GPATCH8: variants seen among roughly 807,000 people sequenced by gnomAD.
GPATCH8 encodes the protein G patch domain-containing protein 8.
GPATCH8 carries 18 observed loss-of-function variants against 118.3 expected under a neutral mutation model. That is an observed-to-expected ratio of 0.15 (90% CI 0.11 to 0.23). GPATCH8 has a LOEUF of 0.23. Ranked by LOEUF, GPATCH8 falls within the 10% of genes least tolerant of loss-of-function variation. The probability of loss-of-function intolerance (pLI) is 1.00; values close to 1 mark genes in which losing one functional copy is unlikely to be tolerated. For missense variants in GPATCH8, 1,631 were observed against 1,873.8 expected, an observed-to-expected ratio of 0.87 and a Z score of 2.39; for synonymous variants, 659 against 684.7, an observed-to-expected ratio of 0.96 and a Z score of 0.59.
intron 2 of GPATCH8, chr17:44,474,603 C>A: frequency 1.6e-6 from 1 of 624,290 alleles, no homozygotes; most frequent in South Asian, 1.7e-5. Context: ...AGATATTTTT[C>A]CATTGAAATT....
At chr17:44,420,756 C>T (rs968628362) in intron 6 of GPATCH8, among the ~76,000 whole-genome samples, 10 of 152,338 alleles carry the variant, frequency 6.6e-5, no homozygotes, top group African/African-American at 2.2e-4. Context: ...CACATTAATG[C>T]TGTCAATGTG....
At chr17:44,435,410 C>CG (rs2050465338) in intron 4 of GPATCH8, among the ~76,000 whole-genome samples, 4 of 46,060 alleles carry the variant, frequency 8.7e-5, no homozygotes, top group African/African-American at 2.3e-4. Context: ...TTCTTTCTTT[C>CG]CTTTTTTTTT....
chr17:44,398,185 C>T lies in GPATCH8; in HGVS notation c.3892G>A (p.Glu1298Lys). ...DPSIESTDGAEDASLAPLESQ... is the reference protein window; with the variant it reads ...DPSIESTDGAKDASLAPLESQ... ...TCCAGGGGGGCCAGTGAAGCATCCT[C>T]AGCCCCATCTGTTGACTCAATACTA... The change falls in exon 8 of 8, where the codon GAG (glutamate) becomes AAG (lysine). Residue 1298 changes from glutamate to lysine, a missense_variant. Coordinates refer to ENST00000591680, the MANE Select transcript of GPATCH8 (RefSeq NM_001002909.4). The T allele has an allele frequency of 6.2e-7, 1 of 1,613,596 alleles. No homozygotes were observed. Among genetic ancestry groups the T allele is most frequent in the Non-Finnish European group, 8.5e-7 (1 of 1,179,616 alleles).
chr17:44,435,908 G>A (rs2050494229), intron 4 of GPATCH8, among the ~76,000 whole-genome samples: 1 of 150,304 alleles, frequency 6.7e-6, no homozygotes, highest in Admixed American at 6.6e-5. Flanking sequence ...TGTAATCCCA[G>A]CTACTTAGAA....
At chr17:44,456,907 A>G (rs1338962583) in intron 3 of GPATCH8, among the ~76,000 whole-genome samples, 1 of 152,030 alleles carries the variant, frequency 6.6e-6, no homozygotes, top group African/African-American at 2.4e-5. Flanking sequence ...TCTGTTGCCC[A>G]GGATGGAGTG....
In GPATCH8 at chr17:44,400,051, T is replaced by G; in HGVS notation, c.2026A>C (p.Lys676Gln). 6.2e-7 allele frequency: 1 copy of G among 1,614,162 alleles called. No homozygotes were observed. Among genetic ancestry groups the G allele is most frequent in the Non-Finnish European group, 8.5e-7 (1 of 1,180,032 alleles). ...GATTTTTTGTGCTTCTTTTTCTTTT[T>G]GTGCCGGTGGGACTTCCCAGATCGT... The part of the protein sequence containing the change: ...KERSGKSHRH[K>Q]KKKKHKKSSK... The change falls in exon 8 of 8, where the codon AAA (lysine) becomes CAA (glutamine). Residue 676 changes from lysine (K) to glutamine (Q), a missense_variant. Around this residue, in one of 8 missense-constraint regions of GPATCH8, gnomAD observed 922 missense variants for 879.7 expected, o/e 1.05. Transcript: ENST00000591680.
Position 44,398,990 on chromosome 17 carries a change from C to T in GPATCH8, c.3087G>A (p.Lys1029=), listed in dbSNP as rs181905889. ...HSGRRDFIRS[K]IYRSQSPHYF... is the part of the protein sequence containing the mutation. ...AGTGGGGGGACTGGGAGCGGTAGAT[C>T]TTAGAACGAATGAAGTCCCGACGCC... The change falls in exon 8 of 8, where the codon AAG becomes AAA. Residue 1029 remains lysine, a synonymous_variant. Transcript: ENST00000591680. The T allele has an allele frequency of 3.1e-6, 5 of 1,614,094 alleles. No homozygotes were observed. Among genetic ancestry groups the T allele is most frequent in the Non-Finnish European group, 4.2e-6 (5 of 1,179,998 alleles).
At chr17:44,421,733 CTT>C (rs1205561070) in intron 6 of GPATCH8, among the ~76,000 whole-genome samples, 1 of 138,862 alleles carries the variant, frequency 7.2e-6, no homozygotes. Flanking sequence ...TTTCTTTTTT[CTT>C]TTTTTTTTTG....
At chr17:44,447,180 A>G (rs1478931800) in intron 3 of GPATCH8, among the ~76,000 whole-genome samples, 1 of 147,938 alleles carries the variant, frequency 6.8e-6, no homozygotes, top group African/African-American at 2.5e-5. Context: ...TTTTTAAGAC[A>G]GTCTCACTCT....
At chr17:44,442,600 C>A (rs990428878) in intron 3 of GPATCH8, among the ~76,000 whole-genome samples, 3 of 152,102 alleles carry the variant, frequency 2.0e-5, no homozygotes, top group Non-Finnish European at 4.4e-5. Context: ...GAGTAGCTGA[C>A]ACTACAAGTG....
intron 5 of GPATCH8, among the ~76,000 whole-genome samples, 165 bp downstream of exon 5, chr17:44,434,900 G>A (rs1368388791): frequency 4.6e-5 from 7 of 152,092 alleles, no homozygotes; most frequent in African/African-American, 7.2e-5. Flanking sequence ...AGTTTATACA[G>A]AGCCAATAAA....
rs775686853 is a variant in GPATCH8 at position 44,398,985 on chromosome 17, T to C, written c.3092A>G (p.Tyr1031Cys). Residue 1031 changes from tyrosine (Y) to cysteine (C), a missense_variant, in exon 8 of 8, where the codon TAC (tyrosine) becomes TGC (cysteine). Around this residue, in one of 8 missense-constraint regions of GPATCH8, gnomAD observed 922 missense variants for 879.7 expected, o/e 1.05. Coordinates refer to ENST00000591680, the MANE Select transcript of GPATCH8 (RefSeq NM_001002909.4). ...GRRDFIRSKI[Y>C]RSQSPHYFRS... is the part of the protein sequence containing the mutation. ...GAAATAGTGGGGGGACTGGGAGCGG[T>C]AGATCTTAGAACGAATGAAGTCCCG... 6.2e-7 allele frequency: 1 copy of C among 1,614,016 alleles called. No individual in the cohort carries two copies. The highest frequency in any genetic ancestry group is 1.1e-5 in the South Asian group (1 of 91,072).
At chr17:44,415,485 G>A (rs1424352902) in intron 6 of GPATCH8, among the ~76,000 whole-genome samples, 1 of 152,124 alleles carries the variant, frequency 6.6e-6, no homozygotes, top group Non-Finnish European at 1.5e-5. Flanking sequence ...AAAACTTTCA[G>A]ATTTTGAAAC....
intron 2 of GPATCH8, among the ~76,000 whole-genome samples, chr17:44,471,017 A>G (rs1181645686): frequency 6.6e-6 from 1 of 152,220 alleles, no homozygotes; most frequent in Non-Finnish European, 1.5e-5. Context: ...TAAAATTCAA[A>G]TTCAAAGCTT....
intron 6 of GPATCH8, among the ~76,000 whole-genome samples, chr17:44,424,126 A>G (rs2050009255): frequency 6.6e-6 from 1 of 152,248 alleles, no homozygotes; most frequent in Non-Finnish European, 1.5e-5. Flanking sequence ...GATTTACAAA[A>G]CACAATTTGT....
At chr17:44,460,663 G>C (rs1042888573) in intron 3 of GPATCH8, among the ~76,000 whole-genome samples, 1 of 152,228 alleles carries the variant, frequency 6.6e-6, no homozygotes, top group Non-Finnish European at 1.5e-5. Flanking sequence ...TGTGAGATAT[G>C]TTAAGAGTCC....
At chr17:44,486,655 G>A (rs2144442649) in intron 1 of GPATCH8, 1 of 152,218 alleles carries the variant, frequency 6.6e-6, no homozygotes, top group Admixed American at 6.5e-5. Flanking sequence ...TAATACAAAT[G>A]TAAAATGGGT....
At chr17:44,461,746 C>T (rs551275504) in intron 3 of GPATCH8, among the ~76,000 whole-genome samples, 43 of 151,936 alleles carry the variant, frequency 2.8e-4, no homozygotes, top group Non-Finnish European at 5.0e-4. Flanking sequence ...CAGGCTAGAG[C>T]GTAGTGGTGC....
chr17:44,396,809 C>T lies in GPATCH8; in HGVS notation c.*759G>A, dbSNP rs1401196657. The T allele has an allele frequency of 4.4e-6, 2 of 454,308 alleles. No individual in the cohort carries two copies. Among genetic ancestry groups the T allele is most frequent in the African/African-American group, 2.0e-5 (1 of 49,958 alleles). The allele number at this position is 454,308 out of a possible 1,614,324, so 28.1% of individuals were successfully genotyped here. On this transcript the variant is annotated 3_prime_UTR_variant, in exon 8 of 8. Coordinates refer to ENST00000591680, the MANE Select transcript of GPATCH8 (RefSeq NM_001002909.4). Reference sequence around the variant, plus strand: ...ATCCTATAAATTAAGAAGGAAACATCAACACAACAGAAGAAAATATACCCT... The same window carrying T: ...ATCCTATAAATTAAGAAGGAAACATTAACACAACAGAAGAAAATATACCCT...
Sources: allele counts gnomAD v4.1 joint callset (sites outside exome capture counted in the v4.1 genomes callset), GRCh38; gene constraint gnomAD v4.1.1; regional missense constraint gnomAD v4.1.1; transcripts MANE v1.5; gene names NCBI Gene and HGNC (gene_info 2026-07-23, HGNC 2026-07-21).